PCDHA1: variants seen among roughly 807,000 people sequenced by gnomAD.
The protein encoded by PCDHA1 is protocadherin alpha-1.
Under a neutral mutation model 61.3 loss-of-function variants are expected in PCDHA1, and 42 were observed. The ratio of observed to expected loss-of-function variants is 0.69; its 90% CI spans 0.54 to 0.89. The LOEUF is 0.89. Ranked by LOEUF, PCDHA1 falls within the 40% of genes least tolerant of loss-of-function variation. The probability of loss-of-function intolerance (pLI) is 0.00; values close to 1 mark genes in which losing one functional copy is unlikely to be tolerated. For synonymous variants in PCDHA1, 610 were observed against 553.8 expected, an observed-to-expected ratio of 1.10 and a Z score of -1.43; for missense variants, 1,256 against 1,235.3, an observed-to-expected ratio of 1.02 and a Z score of -0.25.
chr5:140,824,272 A>G (rs2150133871), intron 1 of PCDHA1: 3 of 1,214,738 alleles, frequency 2.5e-6, no homozygotes, highest in African/African-American at 3.0e-5. Flanking sequence ...TTCATGTATT[A>G]TATGCTTTTT....
In PCDHA1 at chr5:140,841,358, C is replaced by A. The variant is rs2150314140; in HGVS notation, c.2394+52674C>A. ...CTGGCGAGGAGAGCTGGGATCCTGGCGACTACTACTCTTGCTTCTGCTCCT... is the reference window on the plus strand; with the variant it reads ...CTGGCGAGGAGAGCTGGGATCCTGGAGACTACTACTCTTGCTTCTGCTCCT... On this transcript the variant is annotated intron_variant, in intron 1 of 3. Coordinates refer to ENST00000504120, the MANE Select transcript of PCDHA1 (RefSeq NM_018900.4). 11 of 1,612,868 alleles carry A rather than the reference C, an allele frequency of 6.8e-6. No homozygotes were observed. In the Admixed American group the frequency reaches 1.2e-4, roughly 17 times the overall value.
intron 1 of PCDHA1, among the ~76,000 whole-genome samples, chr5:140,892,469 A>G (rs557049666): frequency 1.3e-5 from 2 of 152,302 alleles, no homozygotes; most frequent in South Asian, 4.1e-4. Context: ...ACGGTTATTC[A>G]GTTTCCTAGC....
intron 1 of PCDHA1, chr5:140,806,982 A>T: frequency 3.1e-6 from 2 of 639,582 alleles, no homozygotes; most frequent in Non-Finnish European, 5.3e-6. Context: ...TACGGTTTGG[A>T]GCCACATGAT....
chr5:140,843,528 A>G (rs2150362110), intron 1 of PCDHA1: 1 of 1,596,000 alleles, frequency 6.3e-7, no homozygotes, highest in Non-Finnish European at 8.6e-7. Context: ...CGGGCGGGCA[A>G]GCCCACTCTG....
intron 1 of PCDHA1, among the ~76,000 whole-genome samples, chr5:140,895,416 C>A (rs2065002617): frequency 6.6e-6 from 1 of 152,168 alleles, no homozygotes; most frequent in South Asian, 2.1e-4. Context: ...CCATAACCTT[C>A]TTTTGCTTCC....
intron 1 of PCDHA1, chr5:140,859,405 G>C (rs1222698496): frequency 4.0e-6 from 1 of 250,884 alleles, no homozygotes; most frequent in African/African-American, 2.3e-5. Context: ...ACAGGGTTGG[G>C]TTAGATGATA....
chr5:140,823,812 G>T (rs2150129324), intron 1 of PCDHA1: 1 of 1,613,764 alleles, frequency 6.2e-7, no homozygotes, highest in Non-Finnish European at 8.5e-7. Context: ...AGGCCTCATC[G>T]CGGGCGTCGG....
chr5:140,807,586 C>G (rs782149681), intron 1 of PCDHA1: 3 of 1,614,152 alleles, frequency 1.9e-6, no homozygotes, highest in South Asian at 1.1e-5. Context: ...CGCCGGTGTT[C>G]CCAGCAACAC....
At chr5:140,884,063 G>A in intron 1 of PCDHA1, 3 of 1,613,496 alleles carry the variant, frequency 1.9e-6, no homozygotes, top group Non-Finnish European at 1.7e-6. Flanking sequence ...CGCGGTGGAC[G>A]CCGATTCGGG....
At chr5:140,916,261 A>C (rs2077497892) in intron 1 of PCDHA1, among the ~76,000 whole-genome samples, 1 of 152,168 alleles carries the variant, frequency 6.6e-6, no homozygotes. Context: ...GGACCCCAAG[A>C]GCATGCTTGT....
intron 1 of PCDHA1, among the ~76,000 whole-genome samples, chr5:140,793,833 C>T (rs1761810885): frequency 6.6e-6 from 1 of 152,066 alleles, no homozygotes; most frequent in Non-Finnish European, 1.5e-5. Flanking sequence ...AAGGAATATT[C>T]TAAAGTAATA....
chr5:140,921,213 G>T (rs759293646), intron 1 of PCDHA1, among the ~76,000 whole-genome samples: 1 of 151,496 alleles, frequency 6.6e-6, no homozygotes, highest in Admixed American at 6.6e-5. Flanking sequence ...GATAATTCAC[G>T]TCTTTTTTGC....
chr5:140,795,448 A>G (rs369830742), intron 1 of PCDHA1: 1 of 1,614,206 alleles, frequency 6.2e-7, no homozygotes, highest in South Asian at 1.1e-5. Context: ...TGATGCAGAT[A>G]TAGGAGTAAA....
chr5:140,791,231 C>T (rs569597236), intron 1 of PCDHA1, among the ~76,000 whole-genome samples: 6 of 152,278 alleles, frequency 3.9e-5, no homozygotes, highest in South Asian at 2.1e-4. Context: ...TGAGGTAGCA[C>T]GATTGTGTAA....
chr5:140,968,758 T>C, intron 1 of PCDHA1: 1 of 1,614,150 alleles, frequency 6.2e-7, no homozygotes, highest in South Asian at 1.1e-5. Flanking sequence ...TGGTCCGAGA[T>C]AATGGAGAGC....
rs1777075612 is a variant in PCDHA1 at position 140,841,185 on chromosome 5, G to A, written c.2394+52501G>A. The A allele has an allele frequency of 5.9e-6, 7 of 1,192,098 alleles. No homozygotes were observed. In the Admixed American group the frequency reaches 1.3e-4, roughly 22 times the overall value. The allele number at this position is 1,192,098 out of a possible 1,614,324, so 73.8% of individuals were successfully genotyped here. A position where few individuals can be genotyped will look rare whatever the true frequency, so the allele number is the denominator to read the frequency against. Reference sequence around the variant, plus strand: ...AAGTTCTGGTTGGTCAATGTTCAAAGTCTTTTCTCTGACAGCATCTGTCTC... The same window carrying A: ...AAGTTCTGGTTGGTCAATGTTCAAAATCTTTTCTCTGACAGCATCTGTCTC... On this transcript the variant is annotated intron_variant, in intron 1 of 3. Coordinates refer to ENST00000504120, the MANE Select transcript of PCDHA1 (RefSeq NM_018900.4).
intron 1 of PCDHA1, among the ~76,000 whole-genome samples, chr5:140,793,163 T>C (rs1412420059): frequency 1.3e-5 from 2 of 152,236 alleles, no homozygotes; most frequent in Non-Finnish European, 2.9e-5. Context: ...ATTTTTAGTC[T>C]AGAAAGCTAC....
At chr5:140,952,962 C>A (rs246032) in intron 1 of PCDHA1, among the ~76,000 whole-genome samples, 85,448 of 151,620 alleles carry the variant, frequency 0.56, 24,697 homozygotes, top group African/African-American at 0.69. Context: ...GGAAGTGATA[C>A]ACACTTTTAA....
At chr5:140,816,026 C>A (rs1308933876) in intron 1 of PCDHA1, 4 of 152,090 alleles carry the variant, frequency 2.6e-5, no homozygotes, top group African/African-American at 9.7e-5. Flanking sequence ...TTTCTTGGAT[C>A]TTGATGTCCA....
Sources: gnomAD v4.1 joint callset for allele counts (sites outside exome capture counted in the v4.1 genomes callset) on GRCh38, gnomAD v4.1.1 for gene constraint, MANE v1.5 for transcripts, NCBI Gene and HGNC (gene_info 2026-07-23, HGNC 2026-07-21) for gene names.